The following TRDMT1 variants were observed in gnomAD, a reference collection of about 807,000 sequenced individuals.
The protein encoded by TRDMT1 is tRNA aspartic acid methyltransferase 1, also known as tRNA (cytosine(38)-C(5))-methyltransferase.
Under a neutral mutation model 51.2 loss-of-function variants are expected in TRDMT1, and 49 were observed. That is an observed-to-expected ratio of 0.96 (90% CI 0.76 to 1.21). The LOEUF (loss-of-function observed/expected upper bound fraction) is 1.21, where lower values mean the gene tolerates loss of function less well. Among genes scored for constraint, TRDMT1 ranks in the 50% most tolerant of loss-of-function variants. The probability of loss-of-function intolerance (pLI) is 0.00; values close to 1 mark genes in which losing one functional copy is unlikely to be tolerated. For synonymous variants in TRDMT1, 187 were observed against 164.6 expected (o/e 1.14, Z -1.04); for missense variants, 534 against 462.3 (o/e 1.16, Z -1.42).
rs2273734 is a variant in TRDMT1 at position 17,174,557 on chromosome 10, C to T, written c.168G>A (p.Thr56=). 0.44 allele frequency: 709,634 copies of T among 1,602,436 alleles called. 159,672 individuals carry two copies. Among genetic ancestry groups the T allele is most frequent in the Non-Finnish European group, 0.47 (544,421 of 1,169,914 alleles). The part of the protein sequence containing the change: ...NFPHTQLLAK[T]IEGITLEEFD... The stretch of plus-strand genomic sequence containing the variant: ...AACAATGACAATTACTCACTTCAAT[C>T]GTCTTGGCAAGTAACTGTGTGTGAG... The change falls in exon 2 of 11, where the codon ACG becomes ACA. Residue 56 remains threonine (T), a synonymous_variant. Transcript: ENST00000377799.
chr10:17,196,694 G>A (rs928490322), intron 1 of TRDMT1, among the ~76,000 whole-genome samples: 6 of 152,072 alleles, frequency 3.9e-5, no homozygotes, highest in Non-Finnish European at 8.8e-5. Context: ...TGTTTCCTGT[G>A]TTTGAAAATT....
At chr10:17,185,862 C>A (rs1201833396) in intron 1 of TRDMT1, among the ~76,000 whole-genome samples, 11 of 152,014 alleles carry the variant, frequency 7.2e-5, no homozygotes, top group Non-Finnish European at 1.5e-5. Flanking sequence ...ACAATGAGAA[C>A]ACTTGGACAC....
At chr10:17,201,474 C>CGCCCCACAGTGTCT in intron 1 of TRDMT1, 97 bp downstream of exon 1, 8 of 1,321,984 alleles carry the variant, frequency 6.1e-6, no homozygotes, top group Non-Finnish European at 7.3e-6. Context: ...CCACAGTGTC[C>CGCCCCACAGTGTCT]GCCCCTTGCG....
rs1588713470 is a variant in TRDMT1 at position 17,201,485 on chromosome 10, T to C, written c.64+86A>G. On this transcript the variant is annotated intron_variant, in intron 1 of 10. Coordinates refer to ENST00000377799, the MANE Select transcript of TRDMT1 (RefSeq NM_004412.7). ...CGCCCCACAGTGTCCGCCCCTTGCG[T>C]CTCGCCGCTCCGCCCCTTCCCGGCG... 9.4e-5 allele frequency: 93 copies of C among 984,698 alleles called. 2 individuals carry two copies. In the South Asian group the frequency reaches 1.3e-3, roughly 14 times the overall value. The allele number at this position is 984,698 out of a possible 1,614,324, so 61.0% of individuals were successfully genotyped here.
At chr10:17,170,103 G>C (rs1253065996) in intron 2 of TRDMT1, among the ~76,000 whole-genome samples, 2 of 152,094 alleles carry the variant, frequency 1.3e-5, no homozygotes, top group Non-Finnish European at 2.9e-5. Flanking sequence ...ATTATTCCAG[G>C]GGCATCCTAT....
intron 10 of TRDMT1, chr10:17,150,500 C>A (rs549367410): frequency 5.0e-5 from 49 of 985,164 alleles, no homozygotes; most frequent in Non-Finnish European, 5.5e-5. Flanking sequence ...TGGAAGAAGG[C>A]CTTGCAAATA....
At chr10:17,165,215 A>G (rs1460902470) in intron 3 of TRDMT1, among the ~76,000 whole-genome samples, 1 of 152,180 alleles carries the variant, frequency 6.6e-6, no homozygotes, top group Non-Finnish European at 1.5e-5. Flanking sequence ...AAATAATGCC[A>G]CTTATCTACA....
At chr10:17,177,773 T>C (rs912283625) in intron 1 of TRDMT1, among the ~76,000 whole-genome samples, 1 of 151,252 alleles carries the variant, frequency 6.6e-6, no homozygotes, top group Non-Finnish European at 1.5e-5. Flanking sequence ...TACTTTCCTT[T>C]CTTTTTCTGA....
Position 17,145,061 on chromosome 10 carries a change from C to A in TRDMT1, c.*3979G>T. ...GGTCAGGTGTTCGAGACCAGCCTGG[C>A]CAACATGGTGAAACCCGATCTCTAC... On this transcript the variant is annotated 3_prime_UTR_variant, in exon 11 of 11. Coordinates refer to ENST00000377799, the MANE Select transcript of TRDMT1 (RefSeq NM_004412.7). The A allele has an allele frequency of 1.3e-6, 1 of 792,030 alleles. No homozygotes were observed. Among genetic ancestry groups the A allele is most frequent in the Non-Finnish European group, 1.5e-6 (1 of 653,714 alleles). 49.1% of individuals were successfully genotyped at this position (792,030 alleles called of 1,614,324 possible). A position where few individuals can be genotyped will look rare whatever the true frequency, so the allele number is the denominator to read the frequency against.
intron 5 of TRDMT1, among the ~76,000 whole-genome samples, chr10:17,160,883 C>T (rs192802775): frequency 6.6e-6 from 1 of 152,312 alleles, no homozygotes; most frequent in East Asian, 1.9e-4. Flanking sequence ...AAAAGATATA[C>T]ATAATTCATT....
intron 1 of TRDMT1, among the ~76,000 whole-genome samples, chr10:17,175,463 T>C (rs1208080815): frequency 2.0e-5 from 3 of 152,114 alleles, no homozygotes; most frequent in African/African-American, 7.2e-5. Flanking sequence ...GACCACCCTC[T>C]TTCCCCAAAT....
Position 17,145,644 on chromosome 10 carries a change from G to C in TRDMT1, c.*3396C>G, listed in dbSNP as rs532221385. On this transcript the variant is annotated 3_prime_UTR_variant, in exon 11 of 11. Transcript: ENST00000377799. ...CCTGTTCATAACATAAGCAATTCAG[G>C]AAAACCCACTTTAATCTCTTTGTCT... The C allele has an allele frequency of 1.1e-5, 11 of 985,394 alleles. No homozygotes were observed. The African/African-American group carries it at 1.2e-4, about 11-fold the overall frequency. 61.0% of individuals were successfully genotyped at this position (985,394 alleles called of 1,614,324 possible).
At chr10:17,200,767 T>C (rs1040234175) in intron 1 of TRDMT1, among the ~76,000 whole-genome samples, 3 of 151,998 alleles carry the variant, frequency 2.0e-5, no homozygotes, top group Non-Finnish European at 4.4e-5. Context: ...ATCAAAGACG[T>C]GCATAAAAGT....
Position 17,144,382 on chromosome 10 carries a change from G to A in TRDMT1, c.*4658C>T, listed in dbSNP as rs555026927. The A allele has an allele frequency of 1.1e-3, 1,125 of 985,342 alleles. No homozygotes were observed. The highest frequency in any genetic ancestry group is 1.9e-3 in the South Asian group (40 of 21,286). The allele number at this position is 985,342 out of a possible 1,614,324, so 61.0% of individuals were successfully genotyped here. Reference sequence around the variant, plus strand: ...CAAGCAAAGAAATGAAAAAACCCTAGGCTTATTCAGAAAAGAGTTCTATGG... The same window carrying A: ...CAAGCAAAGAAATGAAAAAACCCTAAGCTTATTCAGAAAAGAGTTCTATGG... On this transcript the variant is annotated 3_prime_UTR_variant, in exon 11 of 11. Transcript: ENST00000377799.
At chr10:17,151,905 G>C in intron 10 of TRDMT1, 1 of 1,100,518 alleles carries the variant, frequency 9.1e-7, no homozygotes, top group African/African-American at 1.6e-5. Context: ...CTAAAGAAGG[G>C]AACGGTTAAG....
At position 17,148,732 on chromosome 10, in the gene TRDMT1, A is replaced by G; in HGVS notation, c.*308T>C. 1 of 1,011,324 alleles carries G rather than the reference A, an allele frequency of 9.9e-7. No homozygotes were observed. Among genetic ancestry groups the G allele is most frequent in the Non-Finnish European group, 1.2e-6 (1 of 846,308 alleles). 62.6% of individuals were successfully genotyped at this position (1,011,324 alleles called of 1,614,324 possible). A position where few individuals can be genotyped will look rare whatever the true frequency, so the allele number is the denominator to read the frequency against. On this transcript the variant is annotated 3_prime_UTR_variant, in exon 11 of 11. Transcript: ENST00000377799. ...TTCACAAGATACTCATGTAGACACT[A>G]AAGCTCTAGTGCTCCTTGATTTGTT...
At position 17,145,814 on chromosome 10, in the gene TRDMT1, C is replaced by A. The variant is rs1197023191; in HGVS notation, c.*3226G>T. On this transcript the variant is annotated 3_prime_UTR_variant, in exon 11 of 11. Coordinates refer to ENST00000377799, the MANE Select transcript of TRDMT1 (RefSeq NM_004412.7). ...GATGCAGCTGGCCTGCAGAATGCAT[C>A]CTTTAGTAGGTGCTTGATATTAGAT... 1 of 985,328 alleles carries A rather than the reference C, an allele frequency of 1.0e-6. No individual in the cohort carries two copies. The highest frequency in any genetic ancestry group is 1.2e-6 in the Non-Finnish European group (1 of 829,934). The allele number at this position is 985,328 out of a possible 1,614,324, so 61.0% of individuals were successfully genotyped here.
intron 10 of TRDMT1, chr10:17,151,993 A>G (rs1838799900): frequency 7.7e-7 from 1 of 1,292,540 alleles, no homozygotes; most frequent in Non-Finnish European, 1.0e-6. Context: ...TACCAAAGTG[A>G]CTACTGCCCT....
chr10:17,137,979 C>A lies in TRDMT1; in HGVS notation c.*11061G>T, dbSNP rs1331533665. On this transcript the variant is annotated 3_prime_UTR_variant, in exon 11 of 11. Transcript: ENST00000377799. ...TTAATCTTTTTAATAGGGGGATGTT[C>A]TTTTATCTTGAGTGCAATAATCCTT... 1.3e-5 allele frequency among the ~76,000 whole-genome samples: 2 copies of A among 152,038 alleles called. No homozygotes were observed. The highest frequency in any genetic ancestry group is 4.8e-5 in the African/African-American group (2 of 41,408).
Sources: allele counts gnomAD v4.1 joint callset (sites outside exome capture counted in the v4.1 genomes callset), GRCh38; gene constraint gnomAD v4.1.1; transcripts MANE v1.5; gene names NCBI Gene and HGNC (gene_info 2026-07-23, HGNC 2026-07-21).